The following G2E3 variants were observed in gnomAD, a reference collection of about 807,000 sequenced individuals.
The protein encoded by G2E3 is G2/M-phase specific E3 ubiquitin protein ligase, also known as G2/M phase-specific E3 ubiquitin-protein ligase.
Under a neutral mutation model 92.8 loss-of-function variants are expected in G2E3, and 35 were observed. That is an observed-to-expected ratio of 0.38 (90% CI 0.29 to 0.50). G2E3 has a LOEUF of 0.50. G2E3 is among the 20% of genes least tolerant of loss of function. The pLI is 0.94. For synonymous variants in G2E3, 242 were observed against 272.4 expected, an observed-to-expected ratio of 0.89 and a Z score of 1.10; for missense variants, 554 against 823.8, an observed-to-expected ratio of 0.67 and a Z score of 4.01.
chr14:30,602,609 T>G (rs1366163782), intron 10 of G2E3: 1 of 152,452 alleles, frequency 6.6e-6, no homozygotes, highest in Non-Finnish European at 1.5e-5. Context: ...AGAAATTTTT[T>G]TTTCTTTTTT....
intron 13 of G2E3, among the ~76,000 whole-genome samples, chr14:30,614,374 C>T (rs1215855513): frequency 6.6e-6 from 1 of 152,228 alleles, no homozygotes; most frequent in Non-Finnish European, 1.5e-5. Context: ...ATCTGCTCAG[C>T]ATCTGGTGAG....
chr14:30,590,654 A>G (rs1231600106), intron 4 of G2E3: 2 of 455,476 alleles, frequency 4.4e-6, no homozygotes, highest in Non-Finnish European at 8.8e-6. Context: ...ATTTTTGAAG[A>G]TATCAAGAAG....
chr14:30,614,661 G>A lies in G2E3; in HGVS notation c.1674-688G>A, dbSNP rs77659779. ...CTGCTCCTGGCACTCTAAAACTCAC[G>A]TCCCACTCACATACAAAAGAGTATC... On this transcript the variant is annotated intron_variant, in intron 13 of 14. Transcript: ENST00000206595. Among the ~76,000 whole-genome samples the A allele has an allele frequency of 2.4e-4, 37 of 152,256 alleles. 1 individual carries two copies. Among genetic ancestry groups the A allele is most frequent in the Non-Finnish European group, 4.9e-4 (33 of 68,018 alleles).
rs975083856 is a variant in G2E3 at position 30,581,072 on chromosome 14, C to G, written c.-4-4C>G. ...GATGACTGTATTAATGTTATTTTTCCTAGTAAAATGAATGAAAGTAAACCT... is the reference window on the plus strand; with the variant it reads ...GATGACTGTATTAATGTTATTTTTCGTAGTAAAATGAATGAAAGTAAACCT... On this transcript the variant is annotated splice_polypyrimidine_tract_variant and splice_region_variant and intron_variant, in intron 1 of 14. Transcript: ENST00000206595. 1 of 1,433,116 alleles carries G rather than the reference C, an allele frequency of 7.0e-7. No homozygotes were observed. Among genetic ancestry groups the G allele is most frequent in the Non-Finnish European group, 9.8e-7 (1 of 1,018,896 alleles). The allele number at this position is 1,433,116 out of a possible 1,614,324, so 88.8% of individuals were successfully genotyped here.
chr14:30,614,450 C>T (rs912851316), intron 13 of G2E3, among the ~76,000 whole-genome samples: 5 of 152,274 alleles, frequency 3.3e-5, no homozygotes, highest in Admixed American at 1.3e-4. Context: ...GGTGTGCCCT[C>T]GAAATCAGGC....
In G2E3 at chr14:30,615,332, A is replaced by G. The variant is rs756513514; in HGVS notation, c.1674-17A>G. The stretch of plus-strand genomic sequence containing the variant: ...ACACATGTATGAATGTTGGCTCATT[A>G]TTTTTCTTCTCTTAAGTTTTAAGCA... On this transcript the variant is annotated splice_polypyrimidine_tract_variant and intron_variant, in intron 13 of 14. Transcript: ENST00000206595. 60 of 1,430,748 alleles carry G rather than the reference A, an allele frequency of 4.2e-5. No homozygotes were observed. The highest frequency in any genetic ancestry group is 5.4e-5 in the Non-Finnish European group (56 of 1,045,856). 88.6% of individuals were successfully genotyped at this position (1,430,748 alleles called of 1,614,324 possible).
At chr14:30,588,537 A>T (rs189734518) in intron 3 of G2E3, among the ~76,000 whole-genome samples, 18 of 151,428 alleles carry the variant, frequency 1.2e-4, no homozygotes, top group Non-Finnish European at 2.1e-4. Context: ...ATAATACTTT[A>T]AAAAAAAAGT....
chr14:30,603,485 C>A (rs1881678784), intron 10 of G2E3, among the ~76,000 whole-genome samples: 1 of 152,096 alleles, frequency 6.6e-6, no homozygotes, highest in Non-Finnish European at 1.5e-5. Context: ...TAGAGCCTTG[C>A]TTTACCCAAT....
At chr14:30,569,590 T>C (rs914469154) in intron 1 of G2E3, among the ~76,000 whole-genome samples, 5 of 152,152 alleles carry the variant, frequency 3.3e-5, no homozygotes, top group African/African-American at 9.7e-5. Flanking sequence ...GAATAGCCTT[T>C]ATTGCCTGAA....
Position 30,586,823 on chromosome 14 carries a change from T to C in G2E3, c.135+8T>C. The C allele has an allele frequency of 1.1e-6, 1 of 912,052 alleles. No homozygotes were observed. The highest frequency in any genetic ancestry group is 1.6e-6 in the Non-Finnish European group (1 of 616,460). 56.5% of individuals were successfully genotyped at this position (912,052 alleles called of 1,614,324 possible). On this transcript the variant is annotated splice_region_variant and intron_variant, in intron 3 of 14. Coordinates refer to ENST00000206595, the MANE Select transcript of G2E3 (RefSeq NM_017769.5). Reference sequence around the variant, plus strand: ...GTACATTACTACTGTTTGGTGAGTATAATTTATAATTAAATTCTAGAAATT... The same window carrying C: ...GTACATTACTACTGTTTGGTGAGTACAATTTATAATTAAATTCTAGAAATT...
intron 3 of G2E3, among the ~76,000 whole-genome samples, chr14:30,587,069 A>G (rs1236302438): frequency 2.6e-5 from 4 of 152,124 alleles, no homozygotes; most frequent in African/African-American, 9.7e-5. Flanking sequence ...TTAAGGCCTA[A>G]GTGAAAAAAG....
chr14:30,593,630 C>T lies in G2E3; in HGVS notation c.519C>T (p.Asp173=). ...GTAAGAACGCTTGGTTTCATAGAGACTGTTTACAGGTAAGATACATATTTT... is the reference window on the plus strand; with the variant it reads ...GTAAGAACGCTTGGTTTCATAGAGATTGTTTACAGGTAAGATACATATTTT... The part of the protein sequence containing the change: ...PCCKNAWFHR[D]CLQVQAINAG... The change falls in exon 6 of 15, where the codon GAC becomes GAT. Residue 173 remains aspartate (D), a synonymous_variant. Transcript: ENST00000206595. The T allele has an allele frequency of 6.2e-7, 1 of 1,600,092 alleles. No homozygotes were observed. The highest frequency in any genetic ancestry group is 8.6e-7 in the Non-Finnish European group (1 of 1,168,356).
intron 12 of G2E3, among the ~76,000 whole-genome samples, chr14:30,608,437 C>T (rs954189924): frequency 5.9e-5 from 9 of 152,036 alleles, no homozygotes; most frequent in African/African-American, 9.7e-5. Flanking sequence ...TGATGGAGGC[C>T]GATGGGTCTG....
At chr14:30,594,237 GAAA>G (rs1396716184) in intron 6 of G2E3, among the ~76,000 whole-genome samples, 2 of 152,258 alleles carry the variant, frequency 1.3e-5, no homozygotes, top group Middle Eastern at 3.4e-3. Context: ...TTGAAAACTT[GAAA>G]AAGATTCCAG....
intron 1 of G2E3, among the ~76,000 whole-genome samples, chr14:30,572,645 A>G (rs1879834244): frequency 6.6e-6 from 1 of 152,138 alleles, no homozygotes; most frequent in South Asian, 2.1e-4. Context: ...TTGTATTAAC[A>G]TGGTGTATTA....
At chr14:30,559,719 C>T (rs1878975972) in intron 1 of G2E3, 1 of 152,150 alleles carries the variant, frequency 6.6e-6, no homozygotes, top group Non-Finnish European at 1.5e-5. Context: ...TGAAAAGATG[C>T]TCTACGTGGC....
At chr14:30,586,043 G>A (rs192841391) in intron 2 of G2E3, among the ~76,000 whole-genome samples, 13 of 152,088 alleles carry the variant, frequency 8.5e-5, no homozygotes, top group Non-Finnish European at 1.5e-4. Flanking sequence ...GTTATCCCTT[G>A]TCCTAGGCTG....
chr14:30,559,404 G>C (rs560625929), intron 1 of G2E3, 132 bp downstream of exon 1: 3 of 152,696 alleles, frequency 2.0e-5, no homozygotes, highest in Non-Finnish European at 4.4e-5. Context: ...GTCTGGTGCT[G>C]GGGCCCGGCC....
chr14:30,597,328 A>G, intron 6 of G2E3, 92 bp from the exon 7 acceptor site: 3 of 744,332 alleles, frequency 4.0e-6, no homozygotes, highest in East Asian at 2.6e-5. Flanking sequence ...TTCATAATAT[A>G]TTGTTAAAAA....
Sources: allele counts gnomAD v4.1 joint callset (sites outside exome capture counted in the v4.1 genomes callset), GRCh38; gene constraint gnomAD v4.1.1; transcripts MANE v1.5; gene names NCBI Gene and HGNC (gene_info 2026-07-23, HGNC 2026-07-21).